CNOT1: variants seen among roughly 807,000 people sequenced by gnomAD.
CNOT1 encodes the protein CCR4-associated factor 1.
CNOT1 carries 15 observed loss-of-function variants against 273.8 expected under a neutral mutation model. The ratio of observed to expected loss-of-function variants is 0.05; its 90% CI spans 0.04 to 0.08. CNOT1 has a LOEUF of 0.08. CNOT1 is among the 10% of genes least tolerant of loss of function. The pLI is 1.00. For synonymous variants in CNOT1, 1,022 were observed against 1,005.5 expected (o/e 1.02, Z -0.31); for missense variants, 1,644 against 2,912.2 (o/e 0.56, Z 10.02).
chr16:58,559,811 T>C (rs765320356), intron 17 of CNOT1: 1 of 520,960 alleles, frequency 1.9e-6, no homozygotes, highest in Non-Finnish European at 3.8e-6. Context: ...TACCTTGTTT[T>C]TAAAAGAGCA....
intron 2 of CNOT1, among the ~76,000 whole-genome samples, chr16:58,591,422 C>T (rs12925676): frequency 0.049 from 7,517 of 152,190 alleles, 251 homozygotes; most frequent in Middle Eastern, 0.088. Context: ...CAATAAAAAC[C>T]TGCAATGAAT....
intron 2 of CNOT1, among the ~76,000 whole-genome samples, chr16:58,598,128 G>A (rs1318447556): frequency 6.6e-6 from 1 of 151,254 alleles, no homozygotes; most frequent in Non-Finnish European, 1.5e-5. Context: ...GCCGGGCGCA[G>A]TGGCTCACAC....
intron 1 of CNOT1, among the ~76,000 whole-genome samples, chr16:58,622,307 G>GT (rs2043366345): frequency 8.7e-6 from 1 of 114,406 alleles, no homozygotes; most frequent in African/African-American, 3.4e-5. Flanking sequence ...GAGCGAGACT[G>GT]TATCTCAAAA....
intron 25 of CNOT1, chr16:58,548,619 T>C (rs2040340180): frequency 1.9e-6 from 1 of 518,926 alleles, no homozygotes; most frequent in African/African-American, 1.9e-5. Context: ...CATCCACAGG[T>C]TTAAATATAG....
rs773537988 is a variant in CNOT1 at position 58,588,922 on chromosome 16, A to G, written c.103-16T>C. 2 of 1,602,342 alleles carry G rather than the reference A, an allele frequency of 1.2e-6. No individual in the cohort carries two copies. Among genetic ancestry groups the G allele is most frequent in the South Asian group, 1.1e-5 (1 of 88,600 alleles). ...GATTCACAATCTAAAATGACCAAAA[A>G]TAACATGTTTAATAAGGGAAGATAA... On this transcript the variant is annotated splice_polypyrimidine_tract_variant and intron_variant, in intron 2 of 48. Transcript: ENST00000317147.
At chr16:58,610,233 C>A (rs1364096193) in intron 1 of CNOT1, among the ~76,000 whole-genome samples, 1 of 152,210 alleles carries the variant, frequency 6.6e-6, no homozygotes, top group East Asian at 1.9e-4. Context: ...GCCTTGCCAA[C>A]ATGGCAAAAC....
intron 36 of CNOT1, 70 bp downstream of exon 36, chr16:58,538,702 A>G: frequency 6.3e-7 from 1 of 1,588,346 alleles, no homozygotes; most frequent in Non-Finnish European, 8.5e-7. Context: ...CCCTGGACAT[A>G]AACAGTACTA....
intron 1 of CNOT1, among the ~76,000 whole-genome samples, chr16:58,602,259 T>C (rs1209652274): frequency 6.6e-6 from 1 of 151,820 alleles, no homozygotes; most frequent in African/African-American, 2.4e-5. Context: ...CTAGTAGAGA[T>C]GGGGTTTCTC....
rs78796375 is a variant in CNOT1, at chr16:58,556,041, G to A, written c.2480-133C>T. ...AAAAAAACTGGAAAAGGTATTAAGCGGTCAAGTTTCAGTATTAATGTGTGC... is the reference window on the plus strand; with the variant it reads ...AAAAAAACTGGAAAAGGTATTAAGCAGTCAAGTTTCAGTATTAATGTGTGC... On this transcript the variant is annotated intron_variant, in intron 19 of 48. Coordinates refer to ENST00000317147, the MANE Select transcript of CNOT1 (RefSeq NM_016284.5). 2.8e-3 allele frequency: 4,127 copies of A among 1,448,084 alleles called. 94 individuals are homozygous for A. In the African/African-American group the frequency reaches 0.053, roughly 19 times the overall value. The allele number at this position is 1,448,084 out of a possible 1,614,324, so 89.7% of individuals were successfully genotyped here. A position where few individuals can be genotyped will look rare whatever the true frequency, so the allele number is the denominator to read the frequency against.
chr16:58,568,954 T>C (rs1310871446), intron 16 of CNOT1, among the ~76,000 whole-genome samples: 3 of 152,204 alleles, frequency 2.0e-5, no homozygotes, highest in Non-Finnish European at 2.9e-5. Flanking sequence ...AAATGCCATA[T>C]TATTTAAAGT....
chr16:58,625,951 G>A (rs1334535614), intron 1 of CNOT1, among the ~76,000 whole-genome samples: 1 of 151,836 alleles, frequency 6.6e-6, no homozygotes, highest in Non-Finnish European at 1.5e-5. Flanking sequence ...AAAATTGTGA[G>A]CAAACAGAAA....
At chr16:58,535,103 C>CA (rs1161794937) in intron 39 of CNOT1, among the ~76,000 whole-genome samples, 1 of 150,998 alleles carries the variant, frequency 6.6e-6, no homozygotes, top group Non-Finnish European at 1.5e-5. Context: ...AACAAACAAA[C>CA]AAAAAAAGAC....
intron 39 of CNOT1, among the ~76,000 whole-genome samples, chr16:58,535,087 C>G (rs1240856292): frequency 6.6e-6 from 1 of 152,080 alleles, no homozygotes; most frequent in Non-Finnish European, 1.5e-5. Context: ...TCCCCTCAAC[C>G]CTTTAAACAA....
Position 58,599,351 on chromosome 16 carries a change from G to A in CNOT1, c.-14C>T, listed in dbSNP as rs767096929. The A allele has an allele frequency of 1.2e-5, 19 of 1,613,996 alleles. No individual in the cohort carries two copies. The highest frequency in any genetic ancestry group is 4.5e-5 in the East Asian group (2 of 44,898). On this transcript the variant is annotated 5_prime_UTR_variant, in exon 2 of 49. Coordinates refer to ENST00000317147, the MANE Select transcript of CNOT1 (RefSeq NM_016284.5). ...GTCAAGATTCATTGCTGGTTGGGGC[G>A]GAAGCAGGCGGCCGAGCCCGGCGCA...
intron 1 of CNOT1, among the ~76,000 whole-genome samples, chr16:58,617,353 T>A (rs1390506197): frequency 6.0e-5 from 9 of 150,540 alleles, no homozygotes; most frequent in Non-Finnish European, 1.3e-4. Context: ...AGAGCAAGAG[T>A]GTCTCAAAAA....
intron 41 of CNOT1, 58 bp from the exon 42 acceptor site, chr16:58,532,133 A>C (rs2039793661): frequency 6.2e-7 from 1 of 1,608,812 alleles, no homozygotes; most frequent in African/African-American, 1.3e-5. Flanking sequence ...AGTGAACAGC[A>C]CATGAATGTA....
At chr16:58,593,002 A>G (rs1166752566) in intron 2 of CNOT1, among the ~76,000 whole-genome samples, 2 of 152,218 alleles carry the variant, frequency 1.3e-5, no homozygotes, top group African/African-American at 4.8e-5. Flanking sequence ...CTCACCCTCA[A>G]GCATGCCCAA....
intron 39 of CNOT1, among the ~76,000 whole-genome samples, chr16:58,534,936 T>C (rs2039880234): frequency 6.6e-6 from 1 of 152,204 alleles, no homozygotes; most frequent in South Asian, 2.1e-4. Context: ...AAATCTGATC[T>C]AGGTATTTTA....
intron 8 of CNOT1, among the ~76,000 whole-genome samples, chr16:58,583,723 GA>G (rs1211736026): frequency 6.6e-6 from 1 of 152,028 alleles, no homozygotes; most frequent in African/African-American, 2.4e-5. Context: ...ATTTTTAGTG[GA>G]GATGGGGTTT....
Sources: allele counts gnomAD v4.1 joint callset (sites outside exome capture counted in the v4.1 genomes callset), GRCh38; gene constraint gnomAD v4.1.1; transcripts MANE v1.5; gene names NCBI Gene and HGNC (gene_info 2026-07-23, HGNC 2026-07-21).